RETREG1: variants seen among roughly 807,000 people sequenced by gnomAD.
RETREG1 encodes the protein family with sequence similarity 134 member B.
RETREG1 carries 44 observed loss-of-function variants against 54.8 expected under a neutral mutation model. The observed-to-expected ratio is 0.80, with a 90% CI of 0.63 to 1.03. RETREG1 has a LOEUF of 1.03. Ranked by LOEUF, RETREG1 falls within the 50% of genes least tolerant of loss-of-function variation. The probability of loss-of-function intolerance (pLI) is 0.00; values close to 1 mark genes in which losing one functional copy is unlikely to be tolerated. For synonymous variants in RETREG1, 217 were observed against 238.5 expected (o/e 0.91, Z 0.83); for missense variants, 554 against 605.1 (o/e 0.92, Z 0.89).
intron 5 of RETREG1, among the ~76,000 whole-genome samples, chr5:16,479,296 C>T (rs983134006): frequency 1.3e-5 from 2 of 152,054 alleles, no homozygotes; most frequent in Non-Finnish European, 2.9e-5. Context: ...TTACACAATG[C>T]TCACAGTCAT....
chr5:16,592,082 T>C (rs192286383), intron 1 of RETREG1, among the ~76,000 whole-genome samples: 3 of 152,050 alleles, frequency 2.0e-5, no homozygotes, highest in Non-Finnish European at 4.4e-5. Flanking sequence ...AATACAGAGG[T>C]AAAATAATAA....
chr5:16,576,803 G>A (rs1398944463), intron 1 of RETREG1, among the ~76,000 whole-genome samples: 1 of 151,138 alleles, frequency 6.6e-6, no homozygotes, highest in Non-Finnish European at 1.5e-5. Flanking sequence ...CTTTAGTAGA[G>A]ATGGGGTTTC....
intron 3 of RETREG1, among the ~76,000 whole-genome samples, chr5:16,503,289 A>C (rs74543523): frequency 0.022 from 3,307 of 152,306 alleles, 135 homozygotes; most frequent in African/African-American, 0.076. Context: ...CCCAGCTGGG[A>C]CAAAATAGGA....
intron 3 of RETREG1, among the ~76,000 whole-genome samples, chr5:16,544,862 T>A (rs1741345293): frequency 6.6e-6 from 1 of 152,230 alleles, no homozygotes; most frequent in Non-Finnish European, 1.5e-5. Context: ...AGGCCTAGAA[T>A]GCTGAACTGC....
intron 1 of RETREG1, among the ~76,000 whole-genome samples, chr5:16,592,652 A>G (rs551603586): frequency 1.5e-4 from 23 of 152,274 alleles, no homozygotes; most frequent in African/African-American, 5.3e-4. Flanking sequence ...ATCAACCTAA[A>G]TGCTCATCGA....
At chr5:16,547,113 G>A (rs1160617153) in intron 3 of RETREG1, among the ~76,000 whole-genome samples, 1 of 152,212 alleles carries the variant, frequency 6.6e-6, no homozygotes, top group Non-Finnish European at 1.5e-5. Context: ...TGCAGAGCAG[G>A]TATTTAATAA....
At position 16,493,123 on chromosome 5, in the gene RETREG1, A is replaced by G. The variant is rs181923602; in HGVS notation, c.459-9651T>C. 2.6e-5 allele frequency among the ~76,000 whole-genome samples: 4 copies of G among 152,168 alleles called. No individual in the cohort carries two copies. The East Asian group carries it at 7.7e-4, about 29-fold the overall frequency. ...ATATCAAGTTTAAAACGACTCAGAG[A>G]TCAGCTACTTACTTTTGCGATTGAC... On this transcript the variant is annotated intron_variant, in intron 3 of 8. Coordinates refer to ENST00000306320, the MANE Select transcript of RETREG1 (RefSeq NM_001034850.3).
chr5:16,548,433 C>G (rs1294304969), intron 3 of RETREG1, among the ~76,000 whole-genome samples: 3 of 152,030 alleles, frequency 2.0e-5, no homozygotes, highest in Non-Finnish European at 4.4e-5. Flanking sequence ...TGGATGCAAC[C>G]CAAATCTTAA....
intron 3 of RETREG1, among the ~76,000 whole-genome samples, chr5:16,556,260 G>A (rs1022955396): frequency 2.0e-5 from 3 of 151,386 alleles, no homozygotes; most frequent in Non-Finnish European, 4.4e-5. Flanking sequence ...CCAGGTTCAC[G>A]CCATTCTCCT....
intron 3 of RETREG1, among the ~76,000 whole-genome samples, chr5:16,522,879 G>A (rs137947163): frequency 2.6e-4 from 39 of 152,152 alleles, no homozygotes; most frequent in Non-Finnish European, 4.6e-4. Flanking sequence ...GGTAGCACAA[G>A]CCTGTAGTCC....
Position 16,604,034 on chromosome 5 carries a change from G to A in RETREG1, c.320+12618C>T, listed in dbSNP as rs565346833. ...CAGGGATGAAGCCACAGTTGGTGCC[G>A]AAATTTTACTTGGAAAAATAAATTA... is the stretch of plus-strand genomic sequence containing the variant. On this transcript the variant is annotated intron_variant, in intron 1 of 8. Transcript: ENST00000306320. Among the ~76,000 whole-genome samples, 6 of 152,296 alleles carry A rather than the reference G, an allele frequency of 3.9e-5. No individual in the cohort carries two copies. In the South Asian group the frequency reaches 6.2e-4, roughly 16 times the overall value.
In RETREG1 at chr5:16,473,215, A is replaced by G. The variant is rs1443101349; in HGVS notation, c.*1526T>C. 6.6e-6 allele frequency: 1 copy of G among 152,556 alleles called. No homozygotes were observed. Among genetic ancestry groups the G allele is most frequent in the African/African-American group, 2.4e-5 (1 of 41,444 alleles). The allele number at this position is 152,556 out of a possible 1,614,324, so 9.5% of individuals were successfully genotyped here. On this transcript the variant is annotated 3_prime_UTR_variant, in exon 9 of 9. Coordinates refer to ENST00000306320, the MANE Select transcript of RETREG1 (RefSeq NM_001034850.3). ...TAATGAAGGCACAGGCTCACTTTGT[A>G]TCAATAAAGGACATCAAACACAGTC...
intron 3 of RETREG1, among the ~76,000 whole-genome samples, chr5:16,534,821 C>G (rs1741009031): frequency 6.6e-6 from 1 of 152,192 alleles, no homozygotes; most frequent in Non-Finnish European, 1.5e-5. Context: ...AAGGAAAGGT[C>G]TCTGCTGCCA....
At position 16,612,919 on chromosome 5, in the gene RETREG1, T is replaced by C. The variant is rs79240903; in HGVS notation, c.320+3733A>G. Among the ~76,000 whole-genome samples the C allele has an allele frequency of 4.7e-3, 715 of 152,356 alleles. 7 individuals carry two copies. The highest frequency in any genetic ancestry group is 0.016 in the African/African-American group (682 of 41,586). On this transcript the variant is annotated intron_variant, in intron 1 of 8. Coordinates refer to ENST00000306320, the MANE Select transcript of RETREG1 (RefSeq NM_001034850.3). ...AGTTCCTGCACCATTTAAAACTTAA[T>C]TGAATCATTCAGCATATATTACTTT...
chr5:16,588,507 G>T (rs539148006), intron 1 of RETREG1, among the ~76,000 whole-genome samples: 1 of 152,274 alleles, frequency 6.6e-6, no homozygotes, highest in East Asian at 1.9e-4. Flanking sequence ...CAAGTGTGTG[G>T]ACCACTCACC....
intron 3 of RETREG1, among the ~76,000 whole-genome samples, chr5:16,503,687 G>C (rs1225513231): frequency 7.1e-6 from 1 of 140,770 alleles, no homozygotes; most frequent in Non-Finnish European, 1.6e-5. Context: ...AAGAAAGAAA[G>C]AAAGAAAAGA....
intron 1 of RETREG1, among the ~76,000 whole-genome samples, chr5:16,589,335 A>C (rs1182639812): frequency 6.6e-6 from 1 of 151,980 alleles, no homozygotes; most frequent in Non-Finnish European, 1.5e-5. Context: ...TTTTTCAAAA[A>C]GGAGTTTGTA....
chr5:16,607,328 C>A (rs903491070), intron 1 of RETREG1, among the ~76,000 whole-genome samples: 1 of 152,116 alleles, frequency 6.6e-6, no homozygotes, highest in African/African-American at 2.4e-5. Flanking sequence ...ATATAGCACA[C>A]ACTCAGGAAA....
At chr5:16,479,926 GT>G (rs1738695935) in intron 5 of RETREG1, among the ~76,000 whole-genome samples, 1 of 152,022 alleles carries the variant, frequency 6.6e-6, no homozygotes. Flanking sequence ...CCAGATCATA[GT>G]TTTCAGGTGA....
Sources: gnomAD v4.1 joint callset for allele counts (sites outside exome capture counted in the v4.1 genomes callset) on GRCh38, gnomAD v4.1.1 for gene constraint, MANE v1.5 for transcripts, NCBI Gene and HGNC (gene_info 2026-07-23, HGNC 2026-07-21) for gene names.